The following TENM3 variants were observed in gnomAD, a reference collection of about 807,000 sequenced individuals.
The protein encoded by TENM3 is teneurin-3.
TENM3 carries 63 observed loss-of-function variants against 255.1 expected under a neutral mutation model. The observed-to-expected ratio is 0.25, with a 90% CI of 0.20 to 0.30. The LOEUF (loss-of-function observed/expected upper bound fraction) is 0.30, where lower values mean the gene tolerates loss of function less well. TENM3 is among the 10% of genes least tolerant of loss of function. The probability of loss-of-function intolerance (pLI) is 1.00; values close to 1 mark genes in which losing one functional copy is unlikely to be tolerated. For missense variants in TENM3, 2,929 were observed against 3,461.1 expected (o/e 0.85, Z 3.86); for synonymous variants, 1,306 against 1,322.3 (o/e 0.99, Z 0.27).
At chr4:181,800,802 T>C in the TENM3 span, among the ~76,000 whole-genome samples, 39,380 of 151,900 alleles carry the variant, frequency 0.26, 5,229 homozygotes, top group South Asian at 0.36. Context: ...TATTAAGCAC[T>C]GAGAACAGTA....
At chr4:182,408,301 G>A (rs1314860240) in intron 3 of TENM3, among the ~76,000 whole-genome samples, 1 of 152,064 alleles carries the variant, frequency 6.6e-6, no homozygotes, top group Non-Finnish European at 1.5e-5. Flanking sequence ...CCTCCCAGAG[G>A]CCCTTTCATC....
chr4:182,082,750 C>G, the TENM3 span, among the ~76,000 whole-genome samples: 1 of 152,156 alleles, frequency 6.6e-6, no homozygotes, highest in Non-Finnish European at 1.5e-5. Flanking sequence ...GTTTTCAATA[C>G]CAAAGGTATC....
At chr4:181,954,274 C>G in the TENM3 span, among the ~76,000 whole-genome samples, 1 of 152,036 alleles carries the variant, frequency 6.6e-6, no homozygotes, top group Non-Finnish European at 1.5e-5. Context: ...TCTTCATTGT[C>G]TTTGATAAAT....
At chr4:181,477,063 AATTC>A in the TENM3 span, among the ~76,000 whole-genome samples, 129,864 of 150,192 alleles carry the variant, frequency 0.86, 56,624 homozygotes, top group Non-Finnish European at 0.93. Context: ...AGGAAAACCC[AATTC>A]ATTCATTCAT....
intron 1 of TENM3, among the ~76,000 whole-genome samples, chr4:182,267,313 C>T (rs1039025815): frequency 6.6e-5 from 10 of 152,134 alleles, no homozygotes; most frequent in African/African-American, 2.2e-4. Flanking sequence ...GTATTCTTAA[C>T]TTATGGCAAT....
intron 5 of TENM3, among the ~76,000 whole-genome samples, chr4:182,651,808 C>G (rs951483455): frequency 7.0e-6 from 1 of 142,150 alleles, no homozygotes; most frequent in Non-Finnish European, 1.5e-5. Flanking sequence ...ATGTCGCTAT[C>G]TACCTATTTT....
At chr4:182,752,090 G>A (rs1292418196) in intron 20 of TENM3, 58 bp downstream of exon 20, 3 of 1,078,342 alleles carry the variant, frequency 2.8e-6, no homozygotes, top group Non-Finnish European at 2.6e-6. Flanking sequence ...AAAAAAAAAG[G>A]GGTTGAAAAT....
chr4:181,769,693 A>C, the TENM3 span, among the ~76,000 whole-genome samples: 3 of 152,140 alleles, frequency 2.0e-5, no homozygotes, highest in African/African-American at 7.2e-5. Context: ...GTCTCTAATA[A>C]CTGATTTGTG....
At chr4:181,797,860 G>C in the TENM3 span, among the ~76,000 whole-genome samples, 1 of 152,296 alleles carries the variant, frequency 6.6e-6, no homozygotes, top group African/African-American at 2.4e-5. Context: ...AGGAACCTAT[G>C]AGGCGATAAC....
chr4:182,651,427 A>C (rs527668898), intron 5 of TENM3, among the ~76,000 whole-genome samples: 2 of 152,300 alleles, frequency 1.3e-5, no homozygotes, highest in African/African-American at 4.8e-5. Context: ...GCAGTGGCTC[A>C]AGCCTGTAAT....
At chr4:182,116,086 A>C in the TENM3 span, among the ~76,000 whole-genome samples, 29 of 152,286 alleles carry the variant, frequency 1.9e-4, no homozygotes, top group Admixed American at 1.0e-3. Flanking sequence ...ATTCACTCTT[A>C]GTATGTACAT....
intron 4 of TENM3, among the ~76,000 whole-genome samples, chr4:182,621,631 TATAATATATAATAC>T (rs1750167812): frequency 4.9e-5 from 2 of 40,614 alleles, no homozygotes; most frequent in African/African-American, 8.6e-5. Context: ...ATATAAAATA[TATAATATATAATAC>T]ATATTATAAT....
rs554640917 is a variant in TENM3, at chr4:182,799,559, C to T, written c.7345-37C>T. On this transcript the variant is annotated intron_variant, in intron 27 of 27. Coordinates refer to ENST00000511685, the MANE Select transcript of TENM3 (RefSeq NM_001080477.4). The surrounding 1 kb of genome is among the most constrained non-coding windows in gnomAD (Gnocchi z 4.2). ...GGTCAGGAGTGGGGAGGCTCCCGGC[C>T]GCCTCTGACGCGCCCCCTCTTTTGT... The T allele has an allele frequency of 2.6e-6, 4 of 1,521,982 alleles. No homozygotes were observed. Among genetic ancestry groups the T allele is most frequent in the African/African-American group, 1.4e-5 (1 of 72,056 alleles). The allele number at this position is 1,521,982 out of a possible 1,614,324, so 94.3% of individuals were successfully genotyped here. A position where few individuals can be genotyped will look rare whatever the true frequency, so the allele number is the denominator to read the frequency against.
At chr4:182,001,159 C>T in the TENM3 span, among the ~76,000 whole-genome samples, 1 of 151,720 alleles carries the variant, frequency 6.6e-6, no homozygotes, top group African/African-American at 2.4e-5. Flanking sequence ...GTTATATAAC[C>T]TGTTTGCGGT....
the TENM3 span, among the ~76,000 whole-genome samples, chr4:181,455,816 C>T: frequency 4.6e-5 from 7 of 151,812 alleles, no homozygotes; most frequent in Admixed American, 1.3e-4. Context: ...TCTATATTAA[C>T]GGCAGGTTGT....
At chr4:182,027,780 T>C in the TENM3 span, among the ~76,000 whole-genome samples, 34 of 151,942 alleles carry the variant, frequency 2.2e-4, no homozygotes, top group African/African-American at 7.7e-4. Context: ...TTGATGTGCA[T>C]ATGCTGAGCC....
intron 6 of TENM3, among the ~76,000 whole-genome samples, chr4:182,668,434 C>T (rs1305660767): frequency 6.6e-6 from 1 of 151,928 alleles, no homozygotes; most frequent in East Asian, 1.9e-4. Context: ...TTTAAAGACC[C>T]CTGGACTAGA....
the TENM3 span, among the ~76,000 whole-genome samples, chr4:181,564,286 T>A: frequency 6.6e-6 from 1 of 152,156 alleles, no homozygotes; most frequent in Admixed American, 6.6e-5. Flanking sequence ...TCATTCATTA[T>A]AGTATTAGCG....
intron 3 of TENM3, among the ~76,000 whole-genome samples, chr4:182,472,270 A>C (rs1474569909): frequency 6.6e-6 from 1 of 152,078 alleles, no homozygotes; most frequent in Admixed American, 6.5e-5. Flanking sequence ...CAATTTACTA[A>C]TTTGTAATTT....
Sources: gnomAD v4.1 joint callset for allele counts (sites outside exome capture counted in the v4.1 genomes callset) on GRCh38, gnomAD v4.1.1 for gene constraint, Gnocchi (gnomAD v3.1) non-coding constraint, MANE v1.5 for transcripts, NCBI Gene and HGNC (gene_info 2026-07-23, HGNC 2026-07-21) for gene names.